Variants in IRAG1 observed in about 807,000 individuals in gnomAD.
IRAG1 encodes IP3R-associated cGMP kinase substrate.
Under a neutral mutation model 106.2 loss-of-function variants are expected in IRAG1, and 62 were observed. The ratio of observed to expected loss-of-function variants is 0.58; its 90% CI spans 0.48 to 0.72. The LOEUF (loss-of-function observed/expected upper bound fraction) is 0.72, where lower values mean the gene tolerates loss of function less well. Among genes scored for constraint, IRAG1 ranks in the 30% least tolerant of loss-of-function variants. The pLI is 0.00. For missense variants in IRAG1, 1,064 were observed against 1,140.7 expected, an observed-to-expected ratio of 0.93 and a Z score of 0.97; for synonymous variants, 462 against 443.9, an observed-to-expected ratio of 1.04 and a Z score of -0.51.
intron 1 of IRAG1, 119 bp from the exon 2 acceptor site, chr11:10,652,301 G>C: frequency 6.6e-7 from 1 of 1,510,678 alleles, no homozygotes; most frequent in Non-Finnish European, 8.9e-7. Flanking sequence ...CAACACCGGA[G>C]GTCAAACCAG....
intron 2 of IRAG1, among the ~76,000 whole-genome samples, chr11:10,637,099 A>G (rs1182034208): frequency 6.6e-6 from 1 of 152,240 alleles, no homozygotes; most frequent in Non-Finnish European, 1.5e-5. Flanking sequence ...CCCAAAGGGA[A>G]ATACAGAAAT....
chr11:10,692,640 C>A (rs1379971896), intron 1 of IRAG1, among the ~76,000 whole-genome samples: 2 of 152,230 alleles, frequency 1.3e-5, no homozygotes, highest in East Asian at 3.9e-4. Context: ...GATTTACTTC[C>A]CTGTGCCACC....
intron 1 of IRAG1, among the ~76,000 whole-genome samples, chr11:10,673,708 A>C (rs1335477911): frequency 2.6e-5 from 4 of 152,144 alleles, no homozygotes; most frequent in Non-Finnish European, 5.9e-5. Flanking sequence ...TTAAAAAAAA[A>C]AGAGAAGGAA....
Position 10,628,103 on chromosome 11 carries a change from C to A in IRAG1, c.653-78G>T, listed in dbSNP as rs1269943981. 16 of 1,482,132 alleles carry A rather than the reference C, an allele frequency of 1.1e-5. No homozygotes were observed. In the Admixed American group the frequency reaches 2.9e-4, roughly 27 times the overall value. 91.8% of individuals were successfully genotyped at this position (1,482,132 alleles called of 1,614,324 possible). A position where few individuals can be genotyped will look rare whatever the true frequency, so the allele number is the denominator to read the frequency against. ...TGTGCTTTCAGCCACATCTCCCTCC[C>A]CGGGCTATCCTCCCTTTGCAATCTC... On this transcript the variant is annotated intron_variant, in intron 6 of 20. Coordinates refer to ENST00000423302, the MANE Select transcript of IRAG1 (RefSeq NM_130385.4). The surrounding 1 kb of genome is among the most constrained non-coding windows in gnomAD (Gnocchi z 4.1).
At chr11:10,600,818 A>C (rs1853913159) in intron 15 of IRAG1, 100 bp downstream of exon 15, 2 of 1,479,678 alleles carry the variant, frequency 1.4e-6, no homozygotes, top group South Asian at 2.6e-5. Flanking sequence ...GCTCAACTGG[A>C]AATAAGTCCT....
At chr11:10,684,145 G>T (rs1486944320) in intron 1 of IRAG1, among the ~76,000 whole-genome samples, 1 of 152,130 alleles carries the variant, frequency 6.6e-6, no homozygotes, top group Non-Finnish European at 1.5e-5. Context: ...CTGCTATAAA[G>T]ACACATGCAT....
chr11:10,608,160 G>T (rs1854635771), intron 11 of IRAG1, among the ~76,000 whole-genome samples: 1 of 152,084 alleles, frequency 6.6e-6, no homozygotes, highest in South Asian at 2.1e-4. Context: ...CTGCTGCCCA[G>T]GCTGGAGTGC....
chr11:10,653,764 G>C (rs942292891), intron 1 of IRAG1, among the ~76,000 whole-genome samples: 1 of 152,162 alleles, frequency 6.6e-6, no homozygotes, highest in African/African-American at 2.4e-5. Context: ...CTGCACGGGG[G>C]TCTGCAGCCC....
rs188950899 is a variant in IRAG1, at chr11:10,661,604, C to A, written c.68-9422G>T. On this transcript the variant is annotated intron_variant, in intron 1 of 20. Transcript: ENST00000423302. The stretch of plus-strand genomic sequence containing the variant: ...CTGCCTACATTCGTTGGCTGGTGAC[C>A]CTTTTTTCTCCATCCTCAAAGCCAG... 6.0e-3 allele frequency among the ~76,000 whole-genome samples: 916 copies of A among 152,262 alleles called. 8 individuals are homozygous for A. The highest frequency in any genetic ancestry group is 0.01 in the Non-Finnish European group (713 of 68,022).
chr11:10,631,923 G>A lies in IRAG1; in HGVS notation c.400+68C>T, dbSNP rs950700757. The stretch of plus-strand genomic sequence containing the variant: ...CTTAAAGAGCAGGAGAGAGGAAGGA[G>A]TCAAGCCCAGCCACGCTGCCAGACC... On this transcript the variant is annotated intron_variant, in intron 4 of 20. Coordinates refer to ENST00000423302, the MANE Select transcript of IRAG1 (RefSeq NM_130385.4). 13 of 1,377,564 alleles carry A rather than the reference G, an allele frequency of 9.4e-6. No individual in the cohort carries two copies. In the African/African-American group the frequency reaches 1.3e-4, roughly 14 times the overall value. 85.3% of individuals were successfully genotyped at this position (1,377,564 alleles called of 1,614,324 possible). A position where few individuals can be genotyped will look rare whatever the true frequency, so the allele number is the denominator to read the frequency against.
intron 3 of IRAG1, 100 bp from the exon 4 acceptor site, chr11:10,632,161 TC>T: frequency 1.2e-6 from 1 of 832,478 alleles, no homozygotes; most frequent in African/African-American, 1.7e-5. Context: ...TTTCTTTCTT[TC>T]TTTGTTTCCT....
chr11:10,680,412 AGG>A (rs747925046), intron 1 of IRAG1, among the ~76,000 whole-genome samples: 99 of 77,720 alleles, frequency 1.3e-3, no homozygotes, highest in African/African-American at 4.2e-3. Flanking sequence ...AAGGAAAGAA[AGG>A]GAAAGAAAGA....
intron 1 of IRAG1, among the ~76,000 whole-genome samples, chr11:10,671,344 T>C (rs757915040): frequency 1.3e-5 from 2 of 152,164 alleles, no homozygotes; most frequent in African/African-American, 2.4e-5. Context: ...ACATTAGCAA[T>C]GAACAATCAA....
chr11:10,693,217 A>C (rs1426118284), intron 1 of IRAG1, among the ~76,000 whole-genome samples: 3 of 152,158 alleles, frequency 2.0e-5, no homozygotes, highest in Non-Finnish European at 4.4e-5. Flanking sequence ...GTTGCCACAA[A>C]GGGGCCCACA....
chr11:10,574,109 G>A lies in IRAG1; in HGVS notation c.*2223C>T, dbSNP rs898705131. 1 of 152,616 alleles carries A rather than the reference G, an allele frequency of 6.6e-6. No individual in the cohort carries two copies. The highest frequency in any genetic ancestry group is 1.5e-5 in the Non-Finnish European group (1 of 68,372). 9.5% of individuals were successfully genotyped at this position (152,616 alleles called of 1,614,324 possible). A position where few individuals can be genotyped will look rare whatever the true frequency, so the allele number is the denominator to read the frequency against. On this transcript the variant is annotated 3_prime_UTR_variant, in exon 21 of 21. Transcript: ENST00000423302. Reference sequence around the variant, plus strand: ...TTTTAAAGTGGGGCATGCTTGGGGTGGGGGGTCTCTCTGAAGGAGTGACTG... The same window carrying A: ...TTTTAAAGTGGGGCATGCTTGGGGTAGGGGGTCTCTCTGAAGGAGTGACTG...
At chr11:10,667,315 T>A (rs185040584) in intron 1 of IRAG1, among the ~76,000 whole-genome samples, 25 of 152,238 alleles carry the variant, frequency 1.6e-4, no homozygotes, top group African/African-American at 5.8e-4. Flanking sequence ...AGCAAAGGCC[T>A]TCTAGGGCCC....
At position 10,575,300 on chromosome 11, in the gene IRAG1, T is replaced by TCA. The variant is rs1241892561; in HGVS notation, c.*1030_*1031dup. On this transcript the variant is annotated 3_prime_UTR_variant, in exon 21 of 21. Transcript: ENST00000423302. Reference sequence around the variant, plus strand: ...GGTGCAAGTTTACTCTTGCATGTGGTCACACACAGAGTAAGAGACTGAAGC... The same window carrying TCA: ...GGTGCAAGTTTACTCTTGCATGTGGTCACACACACAGAGTAAGAGACTGAAGC... 6.6e-6 allele frequency: 1 copy of TCA among 152,188 alleles called. No individual in the cohort carries two copies. The highest frequency in any genetic ancestry group is 1.9e-4 in the East Asian group (1 of 5,196). 9.4% of individuals were successfully genotyped at this position (152,188 alleles called of 1,614,324 possible). A position where few individuals can be genotyped will look rare whatever the true frequency, so the allele number is the denominator to read the frequency against.
intron 1 of IRAG1, among the ~76,000 whole-genome samples, chr11:10,679,273 G>A (rs1860953633): frequency 6.6e-6 from 1 of 152,154 alleles, no homozygotes; most frequent in Admixed American, 6.5e-5. Context: ...TCGCAATGTT[G>A]TGCACCTACC....
intron 18 of IRAG1, among the ~76,000 whole-genome samples, chr11:10,582,919 C>T (rs1423255915): frequency 6.6e-6 from 1 of 152,178 alleles, no homozygotes; most frequent in Non-Finnish European, 1.5e-5. Flanking sequence ...CGCACCACTG[C>T]ACTCCAGCCT....
Sources: gnomAD v4.1 joint callset for allele counts (sites outside exome capture counted in the v4.1 genomes callset) on GRCh38, gnomAD v4.1.1 for gene constraint, Gnocchi (gnomAD v3.1) non-coding constraint, MANE v1.5 for transcripts, NCBI Gene and HGNC (gene_info 2026-07-23, HGNC 2026-07-21) for gene names.